KCNQ1: variants seen among roughly 807,000 people sequenced by gnomAD.
KCNQ1 encodes the protein potassium voltage-gated channel subfamily KQT member 1.
Under a neutral mutation model 72.4 loss-of-function variants are expected in KCNQ1, and 49 were observed. The observed-to-expected ratio is 0.68, with a 90% confidence interval of 0.54 to 0.86. The LOEUF (loss-of-function observed/expected upper bound fraction) is 0.86, where lower values mean the gene tolerates loss of function less well. KCNQ1 is among the 40% of genes least tolerant of loss of function. The pLI is 0.00. For synonymous variants in KCNQ1, 450 were observed against 412.6 expected (o/e 1.09, Z -1.10); for missense variants, 790 against 945.1 (o/e 0.84, Z 2.15).
At position 2,768,852 on chromosome 11, in the gene KCNQ1, A is replaced by G. The variant is rs1156319014; in HGVS notation, c.1523A>G (p.Glu508Gly). The G allele has an allele frequency of 5.0e-6, 8 of 1,613,946 alleles. 1 individual carries two copies. The South Asian group carries it at 7.7e-5, about 16-fold the overall frequency. ...TCCTCTCTCCACTGCAGGCTGCGGG[A>G]ACACCATCGGGCCACCATTAAGGTC... is the stretch of plus-strand genomic sequence containing the variant. ...TPITHISQLR[E>G]HHRATIKVIR... Residue 508 changes from glutamate (E) to glycine (G), a missense_variant, in exon 12 of 16, where the codon GAA becomes GGA. By Grantham distance (98) the Glu-to-Gly change is moderately conservative. Coordinates refer to ENST00000155840, the MANE Select transcript of KCNQ1 (RefSeq NM_000218.3). The surrounding 1 kb of genome is among the most constrained non-coding windows in gnomAD (Gnocchi z 6.7).
rs1240309839 is a variant in KCNQ1, at chr11:2,785,863, A to G, written c.1794+7826A>G. Reference sequence around the variant, plus strand: ...TGAATATATATCAGAAGTAATTGCTATATCTACCCATATCTGTAATAAAAT... The same window carrying G: ...TGAATATATATCAGAAGTAATTGCTGTATCTACCCATATCTGTAATAAAAT... On this transcript the variant is annotated intron_variant, in intron 15 of 15. Coordinates refer to ENST00000155840, the MANE Select transcript of KCNQ1 (RefSeq NM_000218.3). This position sits in a 1 kb window ranked among gnomAD's most constrained non-coding sequence, Gnocchi z 4.4. Among the ~76,000 whole-genome samples the G allele has an allele frequency of 2.0e-5, 3 of 152,082 alleles. No individual in the cohort carries two copies. Among genetic ancestry groups the G allele is most frequent in the Non-Finnish European group, 4.4e-5 (3 of 67,916 alleles).
At chr11:2,686,615 G>C (rs1850494062) in intron 11 of KCNQ1, 1 of 398,670 alleles carries the variant, frequency 2.5e-6, no homozygotes, top group Non-Finnish European at 4.4e-6. Flanking sequence ...TTTCACATGA[G>C]CGTGGCTGCC....
Position 2,479,934 on chromosome 11 carries a change from C to A in KCNQ1, c.386+34450C>A, listed in dbSNP as rs912446519. Among the ~76,000 whole-genome samples, 8 of 152,302 alleles carry A rather than the reference C, an allele frequency of 5.3e-5. No homozygotes were observed. Among genetic ancestry groups the A allele is most frequent in the Admixed American group, 3.3e-4 (5 of 15,304 alleles). Reference sequence around the variant, plus strand: ...TTCCACCAAATACCCTAAATCATCTCCCTCAAGTTCAAAGTTCCACAAATC... The same window carrying A: ...TTCCACCAAATACCCTAAATCATCTACCTCAAGTTCAAAGTTCCACAAATC... On this transcript the variant is annotated intron_variant, in intron 1 of 15. Coordinates refer to ENST00000155840, the MANE Select transcript of KCNQ1 (RefSeq NM_000218.3). The surrounding 1 kb of genome is among the most constrained non-coding windows in gnomAD (Gnocchi z 4.6).
intron 11 of KCNQ1, among the ~76,000 whole-genome samples, chr11:2,737,653 C>G (rs571477327): frequency 9.5e-4 from 144 of 152,292 alleles, no homozygotes; most frequent in Admixed American, 2.5e-3. Flanking sequence ...TGCCGGGAAG[C>G]CTTCGTGCTG....
rs1848695523 is a variant in KCNQ1 at position 2,593,434 on chromosome 11, G to T, written c.1393+4580G>T. On this transcript the variant is annotated intron_variant, in intron 10 of 15. Transcript: ENST00000155840. The surrounding 1 kb of genome is among the most constrained non-coding windows in gnomAD (Gnocchi z 6.9). ...CTGTAAGGTCGTGGTCTGTGACGTA[G>T]GATCGGGCAGCACGCACCTTTCCAC... Among the ~76,000 whole-genome samples the T allele has an allele frequency of 6.6e-6, 1 of 152,298 alleles. No individual in the cohort carries two copies. The highest frequency in any genetic ancestry group is 1.5e-5 in the Non-Finnish European group (1 of 68,018).
At chr11:2,693,892 C>T in intron 11 of KCNQ1, 1 of 398,780 alleles carries the variant, frequency 2.5e-6, no homozygotes, top group Non-Finnish European at 4.4e-6. Context: ...CCCTACTCGT[C>T]CTCCTCCTGG....
intron 1 of KCNQ1, among the ~76,000 whole-genome samples, chr11:2,452,042 T>C (rs193045974): frequency 6.4e-4 from 98 of 152,252 alleles, no homozygotes; most frequent in Non-Finnish European, 1.2e-3. Flanking sequence ...CTCAAAGCCT[T>C]GGTCTGTGCC....
At position 2,508,132 on chromosome 11, in the gene KCNQ1, C is replaced by T. The variant is rs1007655434; in HGVS notation, c.387-19796C>T. ...AGGGGTCTGTGTTGCCTTGGCCCCACGGCAGTGGAGCTGGGGTTTCCCAGG... is the reference window on the plus strand; with the variant it reads ...AGGGGTCTGTGTTGCCTTGGCCCCATGGCAGTGGAGCTGGGGTTTCCCAGG... On this transcript the variant is annotated intron_variant, in intron 1 of 15. Coordinates refer to ENST00000155840, the MANE Select transcript of KCNQ1 (RefSeq NM_000218.3). This position sits in a 1 kb window ranked among gnomAD's most constrained non-coding sequence, Gnocchi z 6.2. Among the ~76,000 whole-genome samples the T allele has an allele frequency of 3.3e-5, 5 of 152,118 alleles. No individual in the cohort carries two copies. The highest frequency in any genetic ancestry group is 1.3e-4 in the Admixed American group (2 of 15,288).
In KCNQ1 at chr11:2,462,043, C is replaced by T; in HGVS notation, c.386+16559C>T. Reference sequence around the variant, plus strand: ...GATGCATTGCTGCTCCTTCCGCCATCCCAGCAGCTGTCCAGAGATGAGACC... The same window carrying T: ...GATGCATTGCTGCTCCTTCCGCCATTCCAGCAGCTGTCCAGAGATGAGACC... On this transcript the variant is annotated intron_variant, in intron 1 of 15. Coordinates refer to ENST00000155840, the MANE Select transcript of KCNQ1 (RefSeq NM_000218.3). The surrounding 1 kb of genome is among the most constrained non-coding windows in gnomAD (Gnocchi z 8.2). The T allele has an allele frequency of 3.0e-6, 1 of 329,104 alleles. No individual in the cohort carries two copies. Among genetic ancestry groups the T allele is most frequent in the South Asian group, 2.5e-5 (1 of 40,414 alleles). 20.4% of individuals were successfully genotyped at this position (329,104 alleles called of 1,614,324 possible).
chr11:2,553,606 G>T (rs554254623), intron 2 of KCNQ1, among the ~76,000 whole-genome samples: 2 of 152,128 alleles, frequency 1.3e-5, no homozygotes, highest in Non-Finnish European at 2.9e-5. Flanking sequence ...CTTTCAAATA[G>T]CAAAGCAAAC....
In KCNQ1 at chr11:2,713,226, G is replaced by A. The variant is rs985513414; in HGVS notation, c.1514+51145G>A. ...AGCCCCTACTTGCTTGGTGTCCCGAGCCAGCCGGACCTGCATCCCGCTCCT... is the reference window on the plus strand; with the variant it reads ...AGCCCCTACTTGCTTGGTGTCCCGAACCAGCCGGACCTGCATCCCGCTCCT... On this transcript the variant is annotated intron_variant, in intron 11 of 15. Transcript: ENST00000155840. This position sits in a 1 kb window ranked among gnomAD's most constrained non-coding sequence, Gnocchi z 5.6. 1.3e-5 allele frequency among the ~76,000 whole-genome samples: 2 copies of A among 152,066 alleles called. 1 individual carries two copies. Among genetic ancestry groups the A allele is most frequent in the South Asian group, 4.2e-4 (2 of 4,810 alleles).
At chr11:2,469,316 T>C (rs996578475) in intron 1 of KCNQ1, among the ~76,000 whole-genome samples, 34 of 151,940 alleles carry the variant, frequency 2.2e-4, no homozygotes, top group African/African-American at 7.7e-4. Flanking sequence ...GTCTCCCAGG[T>C]TGTAGTGTGG....
Position 2,820,480 on chromosome 11 carries a change from G to A in KCNQ1, c.1795-27287G>A, listed in dbSNP as rs77793892. Among the ~76,000 whole-genome samples, 431 of 152,258 alleles carry A rather than the reference G, an allele frequency of 2.8e-3. 3 individuals carry two copies. Among genetic ancestry groups the A allele is most frequent in the Non-Finnish European group, 4.8e-3 (328 of 68,016 alleles). On this transcript the variant is annotated intron_variant, in intron 15 of 15. Coordinates refer to ENST00000155840, the MANE Select transcript of KCNQ1 (RefSeq NM_000218.3). ...ATTTCTGTGACCTTTTTGTATATGT[G>A]TGGAGGCGGTGGAGTCTTTTCTGTT...
intron 15 of KCNQ1, among the ~76,000 whole-genome samples, chr11:2,838,237 G>T (rs1031581778): frequency 1.3e-5 from 2 of 152,242 alleles, no homozygotes; most frequent in African/African-American, 2.4e-5. Context: ...CCACTGGCAG[G>T]GTCGGGGGAC....
chr11:2,841,893 G>C (rs1405070615), intron 15 of KCNQ1, among the ~76,000 whole-genome samples: 4 of 152,302 alleles, frequency 2.6e-5, no homozygotes, highest in African/African-American at 9.6e-5. Flanking sequence ...CTCAGAGGGA[G>C]GCAACCCCGC....
chr11:2,671,286 C>A lies in KCNQ1; in HGVS notation c.1514+9205C>A, dbSNP rs1384795733. The A allele has an allele frequency of 1.0e-5, 4 of 398,512 alleles. No individual in the cohort carries two copies. The highest frequency in any genetic ancestry group is 8.2e-5 in the African/African-American group (4 of 48,630). 24.7% of individuals were successfully genotyped at this position (398,512 alleles called of 1,614,324 possible). ...CATCCCCAGCCCCTTAGCCTCTGAT[C>A]TTCTCCATAAGTAATCTTTTCCCAT... is the stretch of plus-strand genomic sequence containing the variant. On this transcript the variant is annotated intron_variant, in intron 11 of 15. Transcript: ENST00000155840. The surrounding 1 kb of genome is among the most constrained non-coding windows in gnomAD (Gnocchi z 4.7).
intron 8 of KCNQ1, among the ~76,000 whole-genome samples, chr11:2,587,309 C>T (rs1478490534): frequency 2.0e-5 from 3 of 152,214 alleles, no homozygotes; most frequent in Admixed American, 6.5e-5. Context: ...TGGTAAAGAC[C>T]TCTGTGGTGT....
In KCNQ1 at chr11:2,535,730, C is replaced by A. The variant is rs1485763244; in HGVS notation, c.477+7712C>A. Among the ~76,000 whole-genome samples, 6 of 152,348 alleles carry A rather than the reference C, an allele frequency of 3.9e-5. No homozygotes were observed. The East Asian group carries it at 1.2e-3, about 29-fold the overall frequency. The stretch of plus-strand genomic sequence containing the variant: ...GAGGGCGGTCAGGTGACTGGTACCC[C>A]CTGAAGACCTGGGACCAGGCCCCCT... On this transcript the variant is annotated intron_variant, in intron 2 of 15. Transcript: ENST00000155840.
At position 2,458,687 on chromosome 11, in the gene KCNQ1, C is replaced by T. The variant is rs117527707; in HGVS notation, c.386+13203C>T. Among the ~76,000 whole-genome samples the T allele has an allele frequency of 1.4e-4, 14 of 98,126 alleles. No homozygotes were observed. Among genetic ancestry groups the T allele is most frequent in the Non-Finnish European group, 2.3e-5 (1 of 42,572 alleles). 64.4% of individuals were successfully genotyped at this position (98,126 alleles called of 152,430 possible). A position where few individuals can be genotyped will look rare whatever the true frequency, so the allele number is the denominator to read the frequency against. On this transcript the variant is annotated intron_variant, in intron 1 of 15. Transcript: ENST00000155840. This position sits in a 1 kb window ranked among gnomAD's most constrained non-coding sequence, Gnocchi z 4.6. ...TGGATGGATGGATGGATGGATGGATCGATCGATCTCACCAAGCCTCGTGCT... is the reference window on the plus strand; with the variant it reads ...TGGATGGATGGATGGATGGATGGATTGATCGATCTCACCAAGCCTCGTGCT...
Sources: gnomAD v4.1 joint callset for allele counts (sites outside exome capture counted in the v4.1 genomes callset) on GRCh38, gnomAD v4.1.1 for gene constraint, Gnocchi (gnomAD v3.1) non-coding constraint, MANE v1.5 for transcripts, NCBI Gene and HGNC (gene_info 2026-07-23, HGNC 2026-07-21) for gene names.